Variants in DLG1 observed in about 807,000 individuals in gnomAD.
The protein encoded by DLG1 is discs large MAGUK scaffold protein 1, also known as disks large homolog 1.
A neutral mutation model predicts 123.4 loss-of-function variants in DLG1; 42 were observed. The observed-to-expected ratio is 0.34, with a 90% CI of 0.27 to 0.44. DLG1 has a LOEUF of 0.44. DLG1 is among the 20% of genes least tolerant of loss of function. The probability of loss-of-function intolerance (pLI) is 1.00; values close to 1 mark genes in which losing one functional copy is unlikely to be tolerated. For missense variants in DLG1, 942 were observed against 1,082.6 expected (o/e 0.87, Z 1.82); for synonymous variants, 317 against 356.2 (o/e 0.89, Z 1.24).
At chr3:197,243,793 G>C (rs1311592603) in intron 4 of DLG1, among the ~76,000 whole-genome samples, 7 of 152,084 alleles carry the variant, frequency 4.6e-5, no homozygotes, top group African/African-American at 1.7e-4. Flanking sequence ...GAATAACATG[G>C]ACTCAGACCC....
intron 4 of DLG1, among the ~76,000 whole-genome samples, chr3:197,214,521 C>T (rs112784576): frequency 1.7e-4 from 26 of 151,818 alleles, no homozygotes; most frequent in East Asian, 7.8e-4. Flanking sequence ...TGTAGTGAGC[C>T]GAGACAGCGC....
chr3:197,083,600 G>C (rs539698515), intron 16 of DLG1, among the ~76,000 whole-genome samples: 1 of 152,244 alleles, frequency 6.6e-6, no homozygotes, highest in East Asian at 1.9e-4. Context: ...ACCATCCTTT[G>C]CAAAGAGGGC....
chr3:197,125,513 AAAT>A (rs1427393135), intron 11 of DLG1, among the ~76,000 whole-genome samples: 1 of 152,216 alleles, frequency 6.6e-6, no homozygotes, highest in Non-Finnish European at 1.5e-5. Context: ...AGGGGCAACA[AAAT>A]AATAATGTCA....
chr3:197,071,582 ATGT>A (rs922632150), intron 18 of DLG1, among the ~76,000 whole-genome samples: 3 of 152,182 alleles, frequency 2.0e-5, no homozygotes, highest in Non-Finnish European at 4.4e-5. Flanking sequence ...ATTGTTTGGA[ATGT>A]TATTAGAAAA....
chr3:197,135,107 T>C (rs964847149), intron 10 of DLG1, among the ~76,000 whole-genome samples: 40 of 152,242 alleles, frequency 2.6e-4, no homozygotes, highest in African/African-American at 9.6e-4. Flanking sequence ...GTTCATTCTC[T>C]GCTTCACTCC....
At chr3:197,295,599 T>C (rs1415872464) in intron 3 of DLG1, among the ~76,000 whole-genome samples, 2 of 152,162 alleles carry the variant, frequency 1.3e-5, no homozygotes, top group African/African-American at 4.8e-5. Context: ...GTTTTATACA[T>C]AGGAGATTAT....
intron 5 of DLG1, among the ~76,000 whole-genome samples, chr3:197,167,167 T>A (rs1245951632): frequency 6.6e-6 from 1 of 152,098 alleles, no homozygotes; most frequent in Non-Finnish European, 1.5e-5. Flanking sequence ...CCCATACTGA[T>A]ATAAATAAAT....
intron 4 of DLG1, among the ~76,000 whole-genome samples, chr3:197,228,788 C>T (rs1578363107): frequency 6.6e-6 from 1 of 152,038 alleles, no homozygotes; most frequent in Non-Finnish European, 1.5e-5. Context: ...ATCAAACTAC[C>T]TAAGAAACAA....
At chr3:197,288,637 C>T (rs1773094396) in intron 3 of DLG1, among the ~76,000 whole-genome samples, 1 of 147,026 alleles carries the variant, frequency 6.8e-6, no homozygotes. Flanking sequence ...AGGAGAATCG[C>T]TTGAACCTAG....
In DLG1 at chr3:197,232,553, T is replaced by C. The variant is rs553979193; in HGVS notation, c.319-37964A>G. On this transcript the variant is annotated intron_variant, in intron 4 of 24. Transcript: ENST00000667157. Reference sequence around the variant, plus strand: ...AAACAAAACTTTGTTATCATGGGTCTGAAACTCTGACCTCTAACCTACTAG... The same window carrying C: ...AAACAAAACTTTGTTATCATGGGTCCGAAACTCTGACCTCTAACCTACTAG... Among the ~76,000 whole-genome samples the C allele has an allele frequency of 1.5e-3, 221 of 152,274 alleles. 1 individual carries two copies. Among genetic ancestry groups the C allele is most frequent in the Middle Eastern group, 0.01 (3 of 294 alleles).
At chr3:197,292,569 A>G (rs1775468073) in intron 3 of DLG1, among the ~76,000 whole-genome samples, 1 of 152,202 alleles carries the variant, frequency 6.6e-6, no homozygotes, top group Non-Finnish European at 1.5e-5. Flanking sequence ...TGAACTGTAC[A>G]TTTAAAGATG....
intron 8 of DLG1, among the ~76,000 whole-genome samples, chr3:197,139,396 T>C (rs1320182500): frequency 6.6e-6 from 1 of 152,170 alleles, no homozygotes; most frequent in Non-Finnish European, 1.5e-5. Context: ...TTATAAAGCT[T>C]AGAAATTCAA....
intron 4 of DLG1, among the ~76,000 whole-genome samples, chr3:197,267,918 A>C (rs1418465370): frequency 6.6e-6 from 1 of 152,238 alleles, no homozygotes; most frequent in Non-Finnish European, 1.5e-5. Context: ...CAGAGGCCCA[A>C]GACAGAGAAA....
chr3:197,280,756 A>C (rs1390564419), intron 4 of DLG1, among the ~76,000 whole-genome samples: 1 of 152,246 alleles, frequency 6.6e-6, no homozygotes, highest in Non-Finnish European at 1.5e-5. Context: ...ATTCTCTTAA[A>C]GTTTAACATG....
At chr3:197,295,880 G>C (rs896955781) in intron 3 of DLG1, among the ~76,000 whole-genome samples, 3 of 152,106 alleles carry the variant, frequency 2.0e-5, no homozygotes, top group African/African-American at 7.2e-5. Flanking sequence ...TACTAGACAA[G>C]ATCATCTCTA....
intron 5 of DLG1, among the ~76,000 whole-genome samples, chr3:197,150,710 T>A (rs1318531457): frequency 6.6e-6 from 1 of 152,122 alleles, no homozygotes; most frequent in Non-Finnish European, 1.5e-5. Flanking sequence ...AAAGTAACAC[T>A]GTAACACAAA....
intron 12 of DLG1, among the ~76,000 whole-genome samples, chr3:197,116,617 T>C (rs747340754): frequency 1.3e-5 from 2 of 152,178 alleles, no homozygotes; most frequent in Non-Finnish European, 2.9e-5. Flanking sequence ...TTTATTGTCA[T>C]TTTCTAGAGA....
intron 4 of DLG1, among the ~76,000 whole-genome samples, chr3:197,265,329 TA>T (rs576822329): frequency 4.4e-4 from 66 of 151,062 alleles, no homozygotes; most frequent in Non-Finnish European, 6.4e-4. Context: ...CATAATGGAA[TA>T]AAAAAAAAGA....
chr3:197,281,102 G>A (rs952642971), intron 4 of DLG1, among the ~76,000 whole-genome samples: 4 of 148,900 alleles, frequency 2.7e-5, no homozygotes, highest in Admixed American at 6.8e-5. Context: ...CAGTGATGCC[G>A]TCTCAGCTCG....
Sources: allele counts gnomAD v4.1 joint callset (sites outside exome capture counted in the v4.1 genomes callset), GRCh38; gene constraint gnomAD v4.1.1; transcripts MANE v1.5; gene names NCBI Gene and HGNC (gene_info 2026-07-23, HGNC 2026-07-21).